The following APBB2 variants were observed in gnomAD, a reference collection of about 807,000 sequenced individuals.
The protein encoded by APBB2 is Fe65-like 1.
Under a neutral mutation model 82.5 loss-of-function variants are expected in APBB2, and 38 were observed. The ratio of observed to expected loss-of-function variants is 0.46; its 90% CI spans 0.36 to 0.60. The LOEUF (loss-of-function observed/expected upper bound fraction) is 0.60, where lower values mean the gene tolerates loss of function less well. APBB2 is among the 20% of genes least tolerant of loss of function. The pLI is 0.00. For synonymous variants in APBB2, 341 were observed against 368.2 expected (o/e 0.93, Z 0.85); for missense variants, 772 against 972.3 (o/e 0.79, Z 2.74).
At position 40,822,201 on chromosome 4, in the gene APBB2, G is replaced by A. The variant is rs181773665; in HGVS notation, c.1933-151C>T. On this transcript the variant is annotated intron_variant, in intron 16 of 17. Coordinates refer to ENST00000508593, the MANE Select transcript of APBB2 (RefSeq NM_004307.2). Reference sequence around the variant, plus strand: ...TCGAAAGGCGGAACCTTGCCCAAATGTCTGAAGAGGCCATCACTGCATGGC... The same window carrying A: ...TCGAAAGGCGGAACCTTGCCCAAATATCTGAAGAGGCCATCACTGCATGGC... 4.5e-4 allele frequency: 368 copies of A among 818,048 alleles called. 1 individual carries two copies. In the African/African-American group the frequency reaches 5.1e-3, roughly 11 times the overall value. 50.7% of individuals were successfully genotyped at this position (818,048 alleles called of 1,614,324 possible). A position where few individuals can be genotyped will look rare whatever the true frequency, so the allele number is the denominator to read the frequency against.
intron 1 of APBB2, among the ~76,000 whole-genome samples, chr4:41,158,939 C>A (rs7685881): frequency 0.23 from 34,525 of 151,994 alleles, 4,350 homozygotes; most frequent in African/African-American, 0.35. Context: ...CACCACCCTG[C>A]CTCCTAGTCT....
chr4:40,881,535 T>A, intron 12 of APBB2: 1 of 133,054 alleles, frequency 7.5e-6, no homozygotes, highest in Non-Finnish European at 1.3e-5. Flanking sequence ...TTTCTTTTTC[T>A]TTTTTTTTTT....
intron 4 of APBB2, among the ~76,000 whole-genome samples, chr4:41,048,207 A>G (rs1283526663): frequency 2.6e-5 from 4 of 152,228 alleles, no homozygotes; most frequent in Non-Finnish European, 5.9e-5. Context: ...ATTTCCTTTG[A>G]GAATCATGTC....
intron 6 of APBB2, among the ~76,000 whole-genome samples, chr4:40,977,505 G>A (rs1225502700): frequency 6.6e-6 from 1 of 152,082 alleles, no homozygotes; most frequent in African/African-American, 2.4e-5. Context: ...TAAAGACAGA[G>A]TTTCGCCATG....
At chr4:41,105,714 C>G (rs1746951642) in intron 2 of APBB2, among the ~76,000 whole-genome samples, 1 of 152,066 alleles carries the variant, frequency 6.6e-6, no homozygotes, top group South Asian at 2.1e-4. Context: ...GAAACCCCGT[C>G]TCTACTAAAA....
At chr4:40,958,616 C>G (rs1792287542) in intron 6 of APBB2, among the ~76,000 whole-genome samples, 1 of 152,092 alleles carries the variant, frequency 6.6e-6, no homozygotes, top group South Asian at 2.1e-4. Context: ...TCCCTTTCTT[C>G]CTTTTTTGAG....
chr4:41,013,007 T>C (rs1808827725), intron 6 of APBB2, among the ~76,000 whole-genome samples: 1 of 152,230 alleles, frequency 6.6e-6, no homozygotes, highest in African/African-American at 2.4e-5. Context: ...CTTCTGAATA[T>C]ATTTTTCAAG....
intron 10 of APBB2, among the ~76,000 whole-genome samples, chr4:40,899,405 G>A (rs1774624222): frequency 6.6e-6 from 1 of 152,178 alleles, no homozygotes; most frequent in Non-Finnish European, 1.5e-5. Context: ...CATCTTGTGT[G>A]CAGCTTCTAT....
intron 6 of APBB2, among the ~76,000 whole-genome samples, chr4:40,954,257 A>G (rs1350300989): frequency 1.3e-5 from 2 of 152,242 alleles, no homozygotes; most frequent in Admixed American, 6.5e-5. Flanking sequence ...GGGTGAGCTG[A>G]AAGTCTAAAT....
chr4:41,153,945 T>C (rs1035121841), intron 1 of APBB2, among the ~76,000 whole-genome samples: 5 of 152,338 alleles, frequency 3.3e-5, no homozygotes, highest in African/African-American at 7.2e-5. Flanking sequence ...CTAGTTTATA[T>C]TGAAGCTCCT....
chr4:40,861,860 C>T (rs1346673252), intron 12 of APBB2, among the ~76,000 whole-genome samples: 2 of 152,114 alleles, frequency 1.3e-5, no homozygotes, highest in Admixed American at 6.6e-5. Context: ...GATTATGATA[C>T]ACTTTAAAAA....
intron 12 of APBB2, among the ~76,000 whole-genome samples, chr4:40,855,052 G>C (rs1021746541): frequency 5.3e-5 from 8 of 152,180 alleles, no homozygotes; most frequent in Non-Finnish European, 1.0e-4. Context: ...TGGCCCACTG[G>C]TGTGATTAAT....
chr4:40,893,564 C>T (rs1772731553), intron 10 of APBB2, among the ~76,000 whole-genome samples, 153 bp from the exon 11 acceptor site: 1 of 151,914 alleles, frequency 6.6e-6, no homozygotes, highest in African/African-American at 2.4e-5. Flanking sequence ...TTAACAAATC[C>T]TCTATTGCTG....
intron 4 of APBB2, among the ~76,000 whole-genome samples, chr4:41,051,717 A>G (rs574048577): frequency 6.6e-6 from 1 of 152,236 alleles, no homozygotes; most frequent in South Asian, 2.1e-4. Flanking sequence ...CCTCATGCCA[A>G]TCCAACTGTA....
chr4:40,921,258 A>G (rs1781193361), intron 10 of APBB2, among the ~76,000 whole-genome samples: 1 of 152,234 alleles, frequency 6.6e-6, no homozygotes, highest in Non-Finnish European at 1.5e-5. Flanking sequence ...ACTACGGGGA[A>G]GAACACAGGC....
At chr4:40,891,094 G>A (rs966680545) in intron 11 of APBB2, among the ~76,000 whole-genome samples, 6 of 152,244 alleles carry the variant, frequency 3.9e-5, no homozygotes, top group African/African-American at 1.4e-4. Flanking sequence ...TGCCCTCTGA[G>A]GGCTTGGATT....
At chr4:41,109,201 C>T (rs1201718567) in intron 2 of APBB2, among the ~76,000 whole-genome samples, 1 of 152,084 alleles carries the variant, frequency 6.6e-6, no homozygotes, top group African/African-American at 2.4e-5. Flanking sequence ...AAGTTCTAGG[C>T]TGCAATGGGC....
intron 1 of APBB2, among the ~76,000 whole-genome samples, chr4:41,205,400 C>T (rs73232120): frequency 0.12 from 17,557 of 152,126 alleles, 1,271 homozygotes; most frequent in South Asian, 0.19. Flanking sequence ...CATTTTCTCA[C>T]CATTCCCAAA....
chr4:41,061,436 G>T (rs577247752), intron 4 of APBB2, among the ~76,000 whole-genome samples: 1 of 152,316 alleles, frequency 6.6e-6, no homozygotes, highest in South Asian at 2.1e-4. Flanking sequence ...AGATGGCAGA[G>T]CCTAGTGTTC....
Sources: allele counts gnomAD v4.1 joint callset (sites outside exome capture counted in the v4.1 genomes callset), GRCh38; gene constraint gnomAD v4.1.1; transcripts MANE v1.5; gene names NCBI Gene and HGNC (gene_info 2026-07-23, HGNC 2026-07-21).